CSTF3: variants seen among roughly 807,000 people sequenced by gnomAD.
CSTF3 encodes the protein cleavage stimulation factor subunit 3.
In CSTF3, 29 loss-of-function variants were observed where a neutral mutation model predicts 105.8. The ratio of observed to expected loss-of-function variants is 0.27; its 90% CI spans 0.20 to 0.37. The LOEUF is 0.37. CSTF3 is among the 10% of genes least tolerant of loss of function. The pLI is 1.00. For synonymous variants in CSTF3, 252 were observed against 281.9 expected, an observed-to-expected ratio of 0.89 and a Z score of 1.06; for missense variants, 357 against 879.3, an observed-to-expected ratio of 0.41 and a Z score of 7.51.
At chr11:33,152,323 T>G (rs545412223) in intron 1 of CSTF3, among the ~76,000 whole-genome samples, 1 of 152,262 alleles carries the variant, frequency 6.6e-6, no homozygotes, top group South Asian at 2.1e-4. Flanking sequence ...GAGGTATAGT[T>G]TTGCTATGTT....
At chr11:33,142,434 G>C (rs1280543791) in intron 1 of CSTF3, among the ~76,000 whole-genome samples, 2 of 152,112 alleles carry the variant, frequency 1.3e-5, no homozygotes, top group Non-Finnish European at 2.9e-5. Flanking sequence ...GGTATCTAAG[G>C]GGGTGTCCTG....
At chr11:33,136,936 T>TTA (rs1020630224) in intron 3 of CSTF3, among the ~76,000 whole-genome samples, 1 of 151,854 alleles carries the variant, frequency 6.6e-6, no homozygotes, top group Non-Finnish European at 1.5e-5. Context: ...AGGTAAAACA[T>TTA]TACTACCTCC....
intron 1 of CSTF3, among the ~76,000 whole-genome samples, chr11:33,150,014 G>A (rs942667534): frequency 2.0e-5 from 3 of 148,666 alleles, no homozygotes; most frequent in Non-Finnish European, 4.5e-5. Context: ...GCCAGACTCC[G>A]TCTTGAAAAC....
chr11:33,135,705 T>C (rs984712454), intron 3 of CSTF3, among the ~76,000 whole-genome samples: 5 of 152,160 alleles, frequency 3.3e-5, no homozygotes, highest in Admixed American at 3.3e-4. Context: ...GTAGTCATAG[T>C]CTGGTGAATG....
intron 1 of CSTF3, among the ~76,000 whole-genome samples, chr11:33,159,426 G>A (rs921757463): frequency 4.0e-5 from 6 of 151,720 alleles, no homozygotes; most frequent in African/African-American, 7.3e-5. Context: ...CAAAATCCCC[G>A]TCTCTACTTA....
intron 1 of CSTF3, among the ~76,000 whole-genome samples, chr11:33,148,716 C>T (rs1855817126): frequency 6.6e-6 from 1 of 151,742 alleles, no homozygotes; most frequent in South Asian, 2.1e-4. Context: ...AAACTATGCT[C>T]TCTAGTTGGT....
Position 33,085,896 on chromosome 11 carries a change from T to C in CSTF3, c.1889A>G (p.Gln630Arg), listed in dbSNP as rs748790656. 1 of 1,571,820 alleles carries C rather than the reference T, an allele frequency of 6.4e-7. No homozygotes were observed. The highest frequency in any genetic ancestry group is 8.6e-7 in the Non-Finnish European group (1 of 1,161,454). Residue 630 changes from glutamine (Q) to arginine (R), a missense_variant and splice_region_variant, in exon 19 of 21, where the codon CAG becomes CGG. Transcript: ENST00000323959. ...TACCATGAAAATAAGTGAACAAACC[T>C]GGAAACAGATAGGAGGAGGGAGAAG... is the stretch of plus-strand genomic sequence containing the variant. ...MKLLPPPICF[Q>R]GPFVQVDELM...
intron 1 of CSTF3, among the ~76,000 whole-genome samples, chr11:33,154,870 G>C (rs1409718432): frequency 6.6e-6 from 1 of 152,046 alleles, no homozygotes; most frequent in Non-Finnish European, 1.5e-5. Context: ...ATATGTGACA[G>C]GTGTCACAAT....
intron 17 of CSTF3, among the ~76,000 whole-genome samples, chr11:33,087,375 A>AACTT (rs1779994922): frequency 6.6e-6 from 1 of 152,208 alleles, no homozygotes; most frequent in Admixed American, 6.5e-5. Flanking sequence ...CAAGTCATTA[A>AACTT]ACTTAGTGTT....
intron 3 of CSTF3, among the ~76,000 whole-genome samples, chr11:33,139,222 C>T (rs1293307901): frequency 6.6e-6 from 1 of 151,452 alleles, no homozygotes; most frequent in East Asian, 1.9e-4. Flanking sequence ...AATTATCTTC[C>T]GTTACTAAAG....
chr11:33,135,679 A>G (rs1855646022), intron 3 of CSTF3, among the ~76,000 whole-genome samples: 1 of 152,128 alleles, frequency 6.6e-6, no homozygotes, highest in African/African-American at 2.4e-5. Context: ...CACTTCAACT[A>G]TATGTAAAAT....
chr11:33,084,927 A>G lies in CSTF3; in HGVS notation c.*160T>C, dbSNP rs1005729138. On this transcript the variant is annotated 3_prime_UTR_variant, in exon 21 of 21. Transcript: ENST00000323959. ...CTGTTCCGTATTCTAAAATTCACACAGGTTGGTTTGTTTTTTCTCAAGAAC... is the reference window on the plus strand; with the variant it reads ...CTGTTCCGTATTCTAAAATTCACACGGGTTGGTTTGTTTTTTCTCAAGAAC... 2 of 760,004 alleles carry G rather than the reference A, an allele frequency of 2.6e-6. No homozygotes were observed. The highest frequency in any genetic ancestry group is 1.7e-5 in the South Asian group (1 of 59,726). The allele number at this position is 760,004 out of a possible 1,614,324, so 47.1% of individuals were successfully genotyped here.
Position 33,099,259 on chromosome 11 carries a change from A to G in CSTF3, c.937-109T>C. The G allele has an allele frequency of 7.6e-7, 1 of 1,318,922 alleles. No homozygotes were observed. The highest frequency in any genetic ancestry group is 2.5e-5 in the East Asian group (1 of 39,216). 81.7% of individuals were successfully genotyped at this position (1,318,922 alleles called of 1,614,324 possible). ...ATTTTATTTATGTGTCTAAGAAAGC[A>G]TACATGTATGTACACACATATATAT... On this transcript the variant is annotated intron_variant, in intron 11 of 20. Coordinates refer to ENST00000323959, the MANE Select transcript of CSTF3 (RefSeq NM_001326.3). The surrounding 1 kb of genome is among the most constrained non-coding windows in gnomAD (Gnocchi z 4.1).
At chr11:33,087,339 A>G (rs1321267882) in intron 17 of CSTF3, among the ~76,000 whole-genome samples, 198 bp from the exon 18 acceptor site, 2 of 152,226 alleles carry the variant, frequency 1.3e-5, no homozygotes, top group East Asian at 3.8e-4. Flanking sequence ...GACTCAGTGT[A>G]TCATAACTTT....
chr11:33,111,037 T>C (rs975821957), intron 3 of CSTF3, among the ~76,000 whole-genome samples: 1 of 152,130 alleles, frequency 6.6e-6, no homozygotes, highest in Admixed American at 6.6e-5. Flanking sequence ...GAGACCAGCC[T>C]GGCCAACAGA....
At chr11:33,113,661 A>C (rs554707924) in intron 3 of CSTF3, among the ~76,000 whole-genome samples, 1 of 152,192 alleles carries the variant, frequency 6.6e-6, no homozygotes, top group African/African-American at 2.4e-5. Flanking sequence ...AAAAATAATA[A>C]ATTTTTTAAA....
chr11:33,114,174 T>C (rs548509059), intron 3 of CSTF3, among the ~76,000 whole-genome samples: 3 of 152,344 alleles, frequency 2.0e-5, no homozygotes, highest in African/African-American at 7.2e-5. Flanking sequence ...AAAGGTCTAA[T>C]GACCCTTTGA....
At chr11:33,094,967 C>T (rs902159434) in intron 15 of CSTF3, among the ~76,000 whole-genome samples, 9 of 152,132 alleles carry the variant, frequency 5.9e-5, no homozygotes, top group Non-Finnish European at 1.2e-4. Flanking sequence ...GGCGCAATCT[C>T]GGCTCACCGC....
chr11:33,088,014 C>T (rs186870984), intron 17 of CSTF3, among the ~76,000 whole-genome samples: 20 of 152,160 alleles, frequency 1.3e-4, no homozygotes, highest in African/African-American at 4.6e-4. Context: ...CCCTTTTTGC[C>T]GCCATCAAGG....
Sources: allele counts gnomAD v4.1 joint callset (sites outside exome capture counted in the v4.1 genomes callset), GRCh38; gene constraint gnomAD v4.1.1; non-coding constraint Gnocchi (gnomAD v3.1); transcripts MANE v1.5; gene names NCBI Gene and HGNC (gene_info 2026-07-23, HGNC 2026-07-21).